The following EDEM1 variants were observed in gnomAD, a reference collection of about 807,000 sequenced individuals.
The protein encoded by EDEM1 is ER degradation-enhancing alpha-mannosidase-like protein 1.
EDEM1 carries 67 observed loss-of-function variants against 74.4 expected under a neutral mutation model. That is an observed-to-expected ratio of 0.90 (90% CI 0.74 to 1.10). EDEM1 has a LOEUF of 1.10. Among genes scored for constraint, EDEM1 ranks in the 50% least tolerant of loss-of-function variants. EDEM1 has a pLI of 0.00. For missense variants in EDEM1, 926 were observed against 851.6 expected, an observed-to-expected ratio of 1.09 and a Z score of -1.09; for synonymous variants, 382 against 335.9, an observed-to-expected ratio of 1.14 and a Z score of -1.50.
intron 8 of EDEM1, among the ~76,000 whole-genome samples, chr3:5,209,308 A>G (rs1382785119): frequency 6.6e-6 from 1 of 152,192 alleles, no homozygotes; most frequent in African/African-American, 2.4e-5. Flanking sequence ...TGAGCCCAGT[A>G]GAAAGACTGT....
intron 11 of EDEM1, among the ~76,000 whole-genome samples, chr3:5,214,391 C>T (rs1485796048): frequency 2.6e-5 from 4 of 152,098 alleles, no homozygotes; most frequent in African/African-American, 9.7e-5. Flanking sequence ...CGTTAATGCC[C>T]CAGTGAAGGT....
intron 4 of EDEM1, among the ~76,000 whole-genome samples, 195 bp downstream of exon 4, chr3:5,202,119 T>C (rs1216288650): frequency 1.3e-5 from 2 of 152,260 alleles, no homozygotes; most frequent in Admixed American, 6.5e-5. Context: ...ACATCCACTG[T>C]ATGAAAGGCA....
At chr3:5,210,425 G>T (rs2055154014) in intron 9 of EDEM1, among the ~76,000 whole-genome samples, 177 bp downstream of exon 9, 1 of 152,178 alleles carries the variant, frequency 6.6e-6, no homozygotes, top group Non-Finnish European at 1.5e-5. Flanking sequence ...ACTGAGAACT[G>T]CCCTTTCTTT....
At chr3:5,195,742 CT>C (rs1167200833) in intron 2 of EDEM1, among the ~76,000 whole-genome samples, 2 of 152,250 alleles carry the variant, frequency 1.3e-5, no homozygotes, top group African/African-American at 4.8e-5. Context: ...AAACCCTTCT[CT>C]TTTATTTGCC....
intron 10 of EDEM1, among the ~76,000 whole-genome samples, chr3:5,212,506 C>T (rs1230309896): frequency 6.6e-6 from 1 of 152,228 alleles, no homozygotes; most frequent in Non-Finnish European, 1.5e-5. Context: ...GGTGTGCTAG[C>T]TGAAAGAACC....
chr3:5,201,015 G>A (rs1314687571), intron 3 of EDEM1, among the ~76,000 whole-genome samples: 2 of 151,610 alleles, frequency 1.3e-5, no homozygotes. Context: ...TCCCACCTCA[G>A]CCTCCCAAAT....
At chr3:5,214,458 G>C (rs944911926) in intron 11 of EDEM1, among the ~76,000 whole-genome samples, 9 of 152,042 alleles carry the variant, frequency 5.9e-5, no homozygotes, top group African/African-American at 1.9e-4. Context: ...AACCACCCCC[G>C]CCCCCATTTC....
Position 5,213,397 on chromosome 3 carries a change from G to A in EDEM1, c.1759G>A (p.Asp587Asn). The change falls in exon 11 of 12, where the codon GAT (aspartate) becomes AAT (asparagine). Residue 587 changes from aspartate to asparagine, a missense_variant. Transcript: ENST00000256497. ...AACAGAGGGACACATTGTATCTGTG[G>A]ATGAGCATCTTCGGGAATTGCCATG... ...FTTEGHIVSV[D>N]EHLRELPWKE... is the part of the protein sequence containing the mutation. 6.2e-7 allele frequency: 1 copy of A among 1,614,142 alleles called. No individual in the cohort carries two copies. The highest frequency in any genetic ancestry group is 8.5e-7 in the Non-Finnish European group (1 of 1,180,006).
intron 6 of EDEM1, among the ~76,000 whole-genome samples, chr3:5,205,891 A>C (rs1303979779): frequency 2.6e-5 from 4 of 152,100 alleles, no homozygotes; most frequent in African/African-American, 7.2e-5. Context: ...GCTCGCACGG[A>C]TGGAGGTTCT....
intron 10 of EDEM1, among the ~76,000 whole-genome samples, chr3:5,211,653 AGTGTGTGTGT>A (rs34661098): frequency 9.5e-5 from 14 of 146,970 alleles, no homozygotes; most frequent in African/African-American, 3.1e-4. Context: ...TGAGTGAGTG[AGTGTGTGTGT>A]GTGTGTGTGT....
intron 6 of EDEM1, 69 bp from the exon 7 acceptor site, chr3:5,207,084 C>T: frequency 6.3e-7 from 1 of 1,581,582 alleles, no homozygotes; most frequent in East Asian, 2.3e-5. Flanking sequence ...CTACCAGCAG[C>T]TGCTGGAGAG....
At chr3:5,201,974 G>A in intron 4 of EDEM1, 50 bp downstream of exon 4, 1 of 1,558,418 alleles carries the variant, frequency 6.4e-7, no homozygotes, top group East Asian at 2.3e-5. Flanking sequence ...CTATCTTCCT[G>A]AATTAAAATT....
rs200427526 is a variant in EDEM1, at chr3:5,196,913, GTCTTTTCTTT to G, written c.582+1649_582+1658del. ...CCCTGAGAGCTTTGTCATCGTCGTCGTCTTTTCTTTTCTTTTCTTTTCTTTTTTTTTTTTT... is the reference window on the plus strand; with the variant it reads ...CCCTGAGAGCTTTGTCATCGTCGTCGTCTTTTCTTTTCTTTTTTTTTTTTT... On this transcript the variant is annotated intron_variant, in intron 2 of 11. Coordinates refer to ENST00000256497, the MANE Select transcript of EDEM1 (RefSeq NM_014674.3). Among the ~76,000 whole-genome samples the G allele has an allele frequency of 2.2e-3, 334 of 150,364 alleles. 1 individual carries two copies. Among genetic ancestry groups the G allele is most frequent in the African/African-American group, 7.3e-3 (294 of 40,450 alleles).
rs754627940 is a variant in EDEM1 at position 5,187,928 on chromosome 3, C to A, written c.123C>A (p.Phe41Leu). 2 of 1,588,970 alleles carry A rather than the reference C, an allele frequency of 1.3e-6. No individual in the cohort carries two copies. The highest frequency in any genetic ancestry group is 1.4e-5 in the African/African-American group (1 of 73,610). The stretch of plus-strand genomic sequence containing the variant: ...TCTACCAGCGCTTTCCGCTCAGCTT[C>A]GGCTTCCAGCGTCTGAGGAGCCCCG... Reference protein sequence around the residue: ...MGFYQRFPLSFGFQRLRSPDG... With the variant: ...MGFYQRFPLSLGFQRLRSPDG... The change falls in exon 1 of 12, where the codon TTC (phenylalanine) becomes TTA (leucine). Residue 41 changes from phenylalanine (F) to leucine (L), a missense_variant. Phe to Leu is a conservative substitution (Grantham distance 22). Transcript: ENST00000256497.
chr3:5,217,807 G>C lies in EDEM1; in HGVS notation c.*1889G>C, dbSNP rs1371624655. ...TTGAAAATGTTAATTACACACACAT[G>C]CATGCATGCACACACGAGCATACTT... On this transcript the variant is annotated 3_prime_UTR_variant, in exon 12 of 12. Coordinates refer to ENST00000256497, the MANE Select transcript of EDEM1 (RefSeq NM_014674.3). 4 of 152,170 alleles carry C rather than the reference G, an allele frequency of 2.6e-5. No individual in the cohort carries two copies. The East Asian group carries it at 7.7e-4, about 29-fold the overall frequency. The allele number at this position is 152,170 out of a possible 1,614,324, so 9.4% of individuals were successfully genotyped here.
intron 8 of EDEM1, among the ~76,000 whole-genome samples, chr3:5,209,072 G>C (rs1311361469): frequency 6.6e-6 from 1 of 152,114 alleles, no homozygotes; most frequent in Non-Finnish European, 1.5e-5. Context: ...AGAAACTCTG[G>C]TAGTGGGGAG....
chr3:5,190,437 A>C (rs910880701), intron 1 of EDEM1, among the ~76,000 whole-genome samples: 2 of 152,220 alleles, frequency 1.3e-5, no homozygotes, highest in Admixed American at 1.3e-4. Flanking sequence ...GTTTTTCTTA[A>C]TGAACCTTAA....
intron 1 of EDEM1, among the ~76,000 whole-genome samples, chr3:5,190,806 G>A (rs999894691): frequency 6.6e-6 from 1 of 152,184 alleles, no homozygotes; most frequent in Non-Finnish European, 1.5e-5. Flanking sequence ...CTTACAAACA[G>A]TGGAAAACTT....
chr3:5,194,532 G>A (rs1005762989), intron 1 of EDEM1, among the ~76,000 whole-genome samples: 6 of 152,206 alleles, frequency 3.9e-5, no homozygotes, highest in Non-Finnish European at 7.3e-5. Context: ...GAAAATTGGT[G>A]TAGATTATGG....
Sources: allele counts gnomAD v4.1 joint callset (sites outside exome capture counted in the v4.1 genomes callset), GRCh38; gene constraint gnomAD v4.1.1; transcripts MANE v1.5; gene names NCBI Gene and HGNC (gene_info 2026-07-23, HGNC 2026-07-21).